Variants in LPP observed in about 807,000 individuals in gnomAD.
The protein encoded by LPP is LIM domain containing preferred translocation partner in lipoma.
A neutral mutation model predicts 60.4 loss-of-function variants in LPP; 38 were observed. The ratio of observed to expected loss-of-function variants is 0.63; its 90% CI spans 0.49 to 0.83. The LOEUF (loss-of-function observed/expected upper bound fraction) is 0.83. Among genes scored for constraint, LPP ranks in the 40% least tolerant of loss-of-function variants. The probability of loss-of-function intolerance (pLI) is 0.00; values close to 1 mark genes in which losing one functional copy is unlikely to be tolerated. For synonymous variants in LPP, 328 were observed against 290.8 expected, an observed-to-expected ratio of 1.13 and a Z score of -1.30; for missense variants, 902 against 783.6, an observed-to-expected ratio of 1.15 and a Z score of -1.80.
intron 6 of LPP, among the ~76,000 whole-genome samples, chr3:188,566,369 A>G (rs1208284690): frequency 6.6e-6 from 1 of 151,954 alleles, no homozygotes; most frequent in Non-Finnish European, 1.5e-5. Context: ...TTGAAAATGA[A>G]CATTGATGGG....
intron 9 of LPP, among the ~76,000 whole-genome samples, chr3:188,850,413 G>A (rs1416497951): frequency 3.3e-5 from 5 of 152,016 alleles, no homozygotes; most frequent in Admixed American, 2.0e-4. Context: ...GTAAAGGAGA[G>A]GAGAAATTGT....
intron 7 of LPP, among the ~76,000 whole-genome samples, chr3:188,670,615 TA>T (rs1856778180): frequency 6.6e-6 from 1 of 152,192 alleles, no homozygotes; most frequent in African/African-American, 2.4e-5. Context: ...CATGTTGAAC[TA>T]AACTCACCTC....
At chr3:188,857,908 T>C (rs1452404031) in intron 9 of LPP, among the ~76,000 whole-genome samples, 1 of 152,220 alleles carries the variant, frequency 6.6e-6, no homozygotes, top group Non-Finnish European at 1.5e-5. Context: ...ATAAATGTCT[T>C]AGCCCCTTGA....
intron 1 of LPP, among the ~76,000 whole-genome samples, chr3:188,184,728 G>A (rs1260719832): frequency 1.3e-5 from 2 of 151,026 alleles, no homozygotes; most frequent in Non-Finnish European, 2.9e-5. Flanking sequence ...AAAGAGCAGG[G>A]GTACATTTTG....
chr3:188,781,423 A>G (rs2150868688), intron 9 of LPP, among the ~76,000 whole-genome samples: 1 of 152,240 alleles, frequency 6.6e-6, no homozygotes, highest in East Asian at 1.9e-4. Flanking sequence ...GTGAGGAAGA[A>G]ATACCTGATA....
At chr3:188,443,506 G>T (rs976665544) in intron 4 of LPP, among the ~76,000 whole-genome samples, 12 of 152,170 alleles carry the variant, frequency 7.9e-5, no homozygotes, top group East Asian at 7.7e-4. Context: ...ATGACATATT[G>T]TATAGAAGCG....
At position 188,883,814 on chromosome 3, in the gene LPP, G is replaced by T. The variant is rs1770347514; in HGVS notation, c.*9335G>T. 1 of 190,104 alleles carries T rather than the reference G, an allele frequency of 5.3e-6. No individual in the cohort carries two copies. Among genetic ancestry groups the T allele is most frequent in the African/African-American group, 2.4e-5 (1 of 42,342 alleles). The allele number at this position is 190,104 out of a possible 1,614,324, so 11.8% of individuals were successfully genotyped here. A position where few individuals can be genotyped will look rare whatever the true frequency, so the allele number is the denominator to read the frequency against. On this transcript the variant is annotated 3_prime_UTR_variant, in exon 12 of 12. Transcript: ENST00000617246. ...AACAAGGAAGAAGTCAAAAGCAAAA[G>T]ATAGTGGTATTGCCGAAAACTCATT... is the stretch of plus-strand genomic sequence containing the variant.
intron 9 of LPP, among the ~76,000 whole-genome samples, chr3:188,834,026 TAAAACC>T (rs1757730652): frequency 6.6e-6 from 1 of 152,198 alleles, no homozygotes; most frequent in South Asian, 2.1e-4. Context: ...ATCCCATTAT[TAAAACC>T]AAAATCTTCC....
chr3:188,252,170 CAT>C (rs10609191), intron 2 of LPP, among the ~76,000 whole-genome samples: 2,721 of 101,628 alleles, frequency 0.027, 37 homozygotes, highest in South Asian at 0.045. Flanking sequence ...CTTCCCCAAA[CAT>C]ATATATATAT....
At chr3:188,318,910 C>T (rs917310955) in intron 2 of LPP, among the ~76,000 whole-genome samples, 3 of 150,708 alleles carry the variant, frequency 2.0e-5, no homozygotes, top group Non-Finnish European at 4.4e-5. Context: ...AGGCGCGCGC[C>T]ACTACGCCCG....
At chr3:188,834,888 G>T (rs1002380320) in intron 9 of LPP, among the ~76,000 whole-genome samples, 1 of 152,160 alleles carries the variant, frequency 6.6e-6, no homozygotes, top group Non-Finnish European at 1.5e-5. Flanking sequence ...GGAGATGAAT[G>T]AGTTTTACAG....
At chr3:188,613,097 A>G (rs1204469154) in intron 7 of LPP, among the ~76,000 whole-genome samples, 2 of 152,088 alleles carry the variant, frequency 1.3e-5, no homozygotes, top group East Asian at 1.9e-4. Context: ...AGTGTTATAA[A>G]TAAGTCTTTA....
intron 2 of LPP, among the ~76,000 whole-genome samples, chr3:188,234,991 A>G (rs558460596): frequency 1.7e-3 from 258 of 152,238 alleles, no homozygotes; most frequent in Non-Finnish European, 3.2e-3. Flanking sequence ...TTGCATGAGC[A>G]GTAGGTCAGC....
Position 188,877,788 on chromosome 3 carries a change from C to T in LPP, c.*3309C>T, listed in dbSNP as rs1769426061. The T allele has an allele frequency of 4.7e-6, 1 of 214,000 alleles. No homozygotes were observed. The highest frequency in any genetic ancestry group is 2.3e-5 in the African/African-American group (1 of 44,386). 13.3% of individuals were successfully genotyped at this position (214,000 alleles called of 1,614,324 possible). A position where few individuals can be genotyped will look rare whatever the true frequency, so the allele number is the denominator to read the frequency against. On this transcript the variant is annotated 3_prime_UTR_variant, in exon 12 of 12. Coordinates refer to ENST00000617246, the MANE Select transcript of LPP (RefSeq NM_001375462.1). ...CGACTCAAAAATAAGTCATGTGTCC[C>T]AGCATAAGGCATCAGGTTGTTAGAT...
chr3:188,800,645 A>T (rs1011134422), intron 9 of LPP, among the ~76,000 whole-genome samples: 2 of 152,084 alleles, frequency 1.3e-5, no homozygotes, highest in Non-Finnish European at 2.9e-5. Context: ...CCAAAAGTGA[A>T]ACCAAATTTA....
intron 3 of LPP, among the ~76,000 whole-genome samples, chr3:188,351,271 A>T (rs1400762131): frequency 6.6e-6 from 1 of 152,156 alleles, no homozygotes; most frequent in African/African-American, 2.4e-5. Context: ...TTATAGGCTT[A>T]AAGAATTTCG....
intron 9 of LPP, among the ~76,000 whole-genome samples, chr3:188,804,267 A>G (rs1471540284): frequency 8.2e-6 from 1 of 121,654 alleles, no homozygotes; most frequent in African/African-American, 3.1e-5. Context: ...ATATATATAT[A>G]TATATATATA....
chr3:188,239,174 GTT>G (rs1306408815), intron 2 of LPP, among the ~76,000 whole-genome samples: 1 of 152,196 alleles, frequency 6.6e-6, no homozygotes, highest in Non-Finnish European at 1.5e-5. Flanking sequence ...TCTCCACTCC[GTT>G]TCTCTGCCCC....
At chr3:188,468,975 G>A (rs1350949136) in intron 4 of LPP, among the ~76,000 whole-genome samples, 3 of 152,080 alleles carry the variant, frequency 2.0e-5, no homozygotes, top group South Asian at 2.1e-4. Context: ...CTCAGAACAC[G>A]TCACCAAATT....
Sources: gnomAD v4.1 joint callset for allele counts (sites outside exome capture counted in the v4.1 genomes callset) on GRCh38, gnomAD v4.1.1 for gene constraint, MANE v1.5 for transcripts, NCBI Gene and HGNC (gene_info 2026-07-23, HGNC 2026-07-21) for gene names.